The following SPAG16 variants were observed in gnomAD, a reference collection of about 807,000 sequenced individuals.
SPAG16 encodes the protein sperm-associated antigen 16 protein.
In SPAG16, 86 loss-of-function variants were observed where a neutral mutation model predicts 80.4. That is an observed-to-expected ratio of 1.07 (90% CI 0.90 to 1.28). SPAG16 has a LOEUF of 1.28. Ranked by LOEUF, SPAG16 falls within the 50% of genes most tolerant of loss-of-function variation. The pLI is 0.00. For missense variants in SPAG16, 870 were observed against 765.3 expected (o/e 1.14, Z -1.61); for synonymous variants, 294 against 265.9 (o/e 1.11, Z -1.03).
chr2:213,546,468 T>C (rs929857813), intron 10 of SPAG16, among the ~76,000 whole-genome samples: 11 of 152,202 alleles, frequency 7.2e-5, no homozygotes, highest in African/African-American at 2.7e-4. Context: ...AGAAAGAATT[T>C]CATAATAGTT....
chr2:214,025,774 A>T (rs2048097023), intron 13 of SPAG16, among the ~76,000 whole-genome samples: 1 of 151,548 alleles, frequency 6.6e-6, no homozygotes, highest in Admixed American at 6.6e-5. Context: ...CATTTAGTAT[A>T]CTCAGGCATT....
At chr2:213,887,720 A>G (rs528030096) in intron 11 of SPAG16, among the ~76,000 whole-genome samples, 1 of 151,578 alleles carries the variant, frequency 6.6e-6, no homozygotes, top group African/African-American at 2.4e-5. Flanking sequence ...TTATATATAT[A>G]TGTTTTCTAT....
chr2:214,309,853 G>A (rs951091701), intron 15 of SPAG16, among the ~76,000 whole-genome samples: 1 of 152,198 alleles, frequency 6.6e-6, no homozygotes, highest in African/African-American at 2.4e-5. Context: ...ATTCACCACA[G>A]TGGTAGAGGC....
chr2:214,070,306 A>G (rs889486594), intron 13 of SPAG16, among the ~76,000 whole-genome samples: 3 of 151,998 alleles, frequency 2.0e-5, no homozygotes, highest in African/African-American at 7.2e-5. Context: ...CTGATACCAG[A>G]TGAATATTTA....
intron 11 of SPAG16, among the ~76,000 whole-genome samples, chr2:213,893,498 A>G (rs2076868220): frequency 6.6e-6 from 1 of 152,196 alleles, no homozygotes; most frequent in Non-Finnish European, 1.5e-5. Flanking sequence ...ATCAAAAACA[A>G]TAATAGTTAC....
At chr2:213,978,034 C>CTT (rs201843588) in intron 12 of SPAG16, among the ~76,000 whole-genome samples, 4 of 144,666 alleles carry the variant, frequency 2.8e-5, no homozygotes, top group African/African-American at 1.0e-4. Context: ...CTTTATAGGG[C>CTT]TTTTTTTTTT....
intron 9 of SPAG16, among the ~76,000 whole-genome samples, chr2:213,390,447 T>C (rs539579518): frequency 4.0e-4 from 61 of 152,326 alleles, no homozygotes; most frequent in African/African-American, 1.4e-3. Context: ...ATCATTTCCA[T>C]ATGGCTAGGA....
intron 10 of SPAG16, among the ~76,000 whole-genome samples, chr2:213,512,729 C>G (rs920699244): frequency 3.3e-5 from 5 of 152,064 alleles, no homozygotes; most frequent in African/African-American, 1.2e-4. Context: ...ATAAGTATCC[C>G]CCATCACATA....
chr2:214,155,204 G>A (rs190294753), intron 15 of SPAG16, among the ~76,000 whole-genome samples: 5 of 152,234 alleles, frequency 3.3e-5, no homozygotes, highest in Non-Finnish European at 5.9e-5. Context: ...GTGAATACAT[G>A]AAAGCCTGAG....
rs1004619913 is a variant in SPAG16 at position 213,484,194 on chromosome 2, A to C, written c.943-5769A>C. On this transcript the variant is annotated intron_variant, in intron 9 of 15. Transcript: ENST00000331683. ...TATAAACATCTAGAATAGAAACTTT[A>C]AAGACTAATTAGATACTTGAGGAGT... Among the ~76,000 whole-genome samples, 6 of 152,362 alleles carry C rather than the reference A, an allele frequency of 3.9e-5. No individual in the cohort carries two copies. The East Asian group carries it at 1.2e-3, about 29-fold the overall frequency.
At chr2:213,302,470 A>G (rs2062777003) in intron 3 of SPAG16, 1 of 152,144 alleles carries the variant, frequency 6.6e-6, no homozygotes, top group East Asian at 1.9e-4. Flanking sequence ...TGAACCGTTC[A>G]GTTCCTCAAG....
intron 1 of SPAG16, among the ~76,000 whole-genome samples, chr2:213,287,358 G>A (rs562016494): frequency 6.6e-5 from 10 of 152,332 alleles, no homozygotes; most frequent in African/African-American, 2.2e-4. Context: ...GCCTATTAAT[G>A]TATGGCTGCA....
intron 12 of SPAG16, among the ~76,000 whole-genome samples, chr2:213,966,972 G>A (rs992287660): frequency 6.6e-6 from 1 of 152,164 alleles, no homozygotes; most frequent in East Asian, 1.9e-4. Context: ...AGCTCTTGCA[G>A]GTCACATGCA....
chr2:213,665,162 G>T (rs2063556836), intron 10 of SPAG16, among the ~76,000 whole-genome samples: 1 of 152,152 alleles, frequency 6.6e-6, no homozygotes, highest in Admixed American at 6.6e-5. Context: ...TGCTGATATA[G>T]ATTAATTCAT....
At chr2:213,454,228 A>G (rs1006458626) in intron 9 of SPAG16, among the ~76,000 whole-genome samples, 18 of 152,314 alleles carry the variant, frequency 1.2e-4, no homozygotes, top group African/African-American at 3.6e-4. Flanking sequence ...CAAAAAAATT[A>G]TGTATTAATT....
intron 10 of SPAG16, among the ~76,000 whole-genome samples, chr2:213,779,958 C>T (rs2125578480): frequency 6.6e-6 from 1 of 152,266 alleles, no homozygotes; most frequent in East Asian, 1.9e-4. Flanking sequence ...AGTACAGATC[C>T]AGATCCTATG....
At chr2:214,016,812 GT>G (rs1355809479) in intron 13 of SPAG16, among the ~76,000 whole-genome samples, 4 of 152,120 alleles carry the variant, frequency 2.6e-5, no homozygotes, top group African/African-American at 9.7e-5. Context: ...AATGACTACA[GT>G]TGACTCTATA....
At chr2:214,063,814 T>C (rs2050399581) in intron 13 of SPAG16, among the ~76,000 whole-genome samples, 1 of 152,236 alleles carries the variant, frequency 6.6e-6, no homozygotes, top group African/African-American at 2.4e-5. Flanking sequence ...TCATTTATTA[T>C]GTTTTAATAA....
intron 9 of SPAG16, among the ~76,000 whole-genome samples, chr2:213,441,139 A>G (rs1392633860): frequency 6.6e-6 from 1 of 152,268 alleles, no homozygotes; most frequent in Non-Finnish European, 1.5e-5. Context: ...GGATACCTGC[A>G]TACAAGAAAT....
Sources: allele counts gnomAD v4.1 joint callset (sites outside exome capture counted in the v4.1 genomes callset), GRCh38; gene constraint gnomAD v4.1.1; transcripts MANE v1.5; gene names NCBI Gene and HGNC (gene_info 2026-07-23, HGNC 2026-07-21).